Variants in CSE1L observed in about 807,000 individuals in gnomAD.
CSE1L encodes chromosome segregation 1 like.
Under a neutral mutation model 120.4 loss-of-function variants are expected in CSE1L, and 24 were observed. The observed-to-expected ratio is 0.20, with a 90% CI of 0.14 to 0.28. The LOEUF is 0.28. CSE1L is among the 10% of genes least tolerant of loss of function. CSE1L has a pLI of 1.00. For missense variants in CSE1L, 830 were observed against 1,145.2 expected (o/e 0.72, Z 3.97); for synonymous variants, 402 against 398.3 (o/e 1.01, Z -0.11).
chr20:49,065,444 T>C (rs1170847018), intron 3 of CSE1L, among the ~76,000 whole-genome samples: 3 of 149,072 alleles, frequency 2.0e-5, no homozygotes, highest in Admixed American at 6.8e-5. Flanking sequence ...TGCCTCAGCC[T>C]CCTGAGTAGT....
chr20:49,065,319 T>TTTTTTTTTTTTATTTTTA (rs2091883407), intron 3 of CSE1L, among the ~76,000 whole-genome samples: 1 of 109,648 alleles, frequency 9.1e-6, no homozygotes, highest in Non-Finnish European at 2.0e-5. Flanking sequence ...AAAAATTTTT[T>TTTTTTTTTTTTATTTTTA]TTTTTTTTTT....
intron 10 of CSE1L, among the ~76,000 whole-genome samples, chr20:49,073,133 TTC>T (rs2091944958): frequency 1.3e-5 from 2 of 152,082 alleles, no homozygotes; most frequent in Admixed American, 1.3e-4. Flanking sequence ...TACCTCAGTC[TTC>T]TGAGTAGCTG....
chr20:49,046,858 G>A (rs1471336308), intron 1 of CSE1L, among the ~76,000 whole-genome samples: 1 of 152,226 alleles, frequency 6.6e-6, no homozygotes, highest in Non-Finnish European at 1.5e-5. Context: ...GTGCGGCGGC[G>A]AGGCCTGCCC....
rs1260048377 is a variant in CSE1L, at chr20:49,053,392, C to CTT, written c.-11-5060_-11-5059dup. On this transcript the variant is annotated intron_variant, in intron 1 of 24. Transcript: ENST00000262982. ...TTTTTTTTTGAGACTGCGTTTCTCT[C>CTT]TTGTTGCCCAGGCTGGAGTGCAATG... Among the ~76,000 whole-genome samples, 3 of 87,562 alleles carry CTT rather than the reference C, an allele frequency of 3.4e-5. No homozygotes were observed. The East Asian group carries it at 1.2e-3, about 36-fold the overall frequency. 57.4% of individuals were successfully genotyped at this position (87,562 alleles called of 152,430 possible). A position where few individuals can be genotyped will look rare whatever the true frequency, so the allele number is the denominator to read the frequency against.
At chr20:49,047,282 A>G (rs2091721451) in intron 1 of CSE1L, among the ~76,000 whole-genome samples, 1 of 152,046 alleles carries the variant, frequency 6.6e-6, no homozygotes, top group African/African-American at 2.4e-5. Flanking sequence ...AGTGGCTTTG[A>G]GGATGCGCTG....
chr20:49,049,949 C>T (rs1023049949), intron 1 of CSE1L, among the ~76,000 whole-genome samples: 1 of 152,074 alleles, frequency 6.6e-6, no homozygotes, highest in African/African-American at 2.4e-5. Flanking sequence ...ATGGCTTGAG[C>T]CCAGGAGGCA....
chr20:49,089,516 C>G (rs1211716074), intron 18 of CSE1L, 22 bp from the exon 19 acceptor site: 1 of 1,612,712 alleles, frequency 6.2e-7, no homozygotes, highest in African/African-American at 1.3e-5. Context: ...GCTCACAGCT[C>G]TGTTTTTACT....
chr20:49,050,373 C>T (rs2091756788), intron 1 of CSE1L, among the ~76,000 whole-genome samples: 1 of 147,604 alleles, frequency 6.8e-6, no homozygotes, highest in Non-Finnish European at 1.5e-5. Flanking sequence ...AGGGTATCAC[C>T]AAGCCCAGCT....
intron 2 of CSE1L, 131 bp downstream of exon 2, chr20:49,058,679 T>C: frequency 6.5e-6 from 4 of 616,064 alleles, no homozygotes; most frequent in Non-Finnish European, 1.1e-5. Flanking sequence ...AGTTTATAAG[T>C]GTTACAGCTG....
chr20:49,068,906 GC>G, intron 7 of CSE1L, 84 bp downstream of exon 7: 2 of 960,714 alleles, frequency 2.1e-6, no homozygotes, highest in Non-Finnish European at 3.2e-6. Context: ...AGACTTCTTT[GC>G]CAGCATTGAT....
At chr20:49,065,312 A>G (rs866513382) in intron 3 of CSE1L, among the ~76,000 whole-genome samples, 1 of 79,398 alleles carries the variant, frequency 1.3e-5, no homozygotes, top group Non-Finnish European at 2.4e-5. Context: ...ATGAAAAAAA[A>G]ATTTTTTTTT....
chr20:49,084,197 G>A (rs760673437), intron 15 of CSE1L, 35 bp downstream of exon 15: 29 of 1,608,526 alleles, frequency 1.8e-5, no homozygotes, highest in Non-Finnish European at 2.3e-5. Context: ...TTAGCCTGGG[G>A]TAGGGGCTGT....
chr20:49,088,440 T>C (rs2092076492), intron 17 of CSE1L, among the ~76,000 whole-genome samples: 1 of 152,262 alleles, frequency 6.6e-6, no homozygotes. Context: ...AGAGGCTGTC[T>C]GGACTTCTAT....
chr20:49,075,526 T>C lies in CSE1L; in HGVS notation c.1335+6T>C, dbSNP rs1600613819. 6.8e-6 allele frequency: 11 copies of C among 1,612,264 alleles called. No homozygotes were observed. Among genetic ancestry groups the C allele is most frequent in the African/African-American group, 1.3e-5 (1 of 74,886 alleles). ...CAAAAGCCCAAACACAGAAGGTAAA[T>C]ATTTTTAATGTGGTTTTGTTTCTAA... On this transcript the variant is annotated splice_donor_region_variant and intron_variant, in intron 12 of 24. Coordinates refer to ENST00000262982, the MANE Select transcript of CSE1L (RefSeq NM_001316.4).
At chr20:49,088,652 A>C (rs2092078274) in intron 17 of CSE1L, among the ~76,000 whole-genome samples, 1 of 152,186 alleles carries the variant, frequency 6.6e-6, no homozygotes, top group Non-Finnish European at 1.5e-5. Flanking sequence ...ATCAATTCAT[A>C]GGAAGTGTTG....
chr20:49,094,074 C>T, intron 22 of CSE1L, 66 bp from the exon 23 acceptor site: 1 of 995,518 alleles, frequency 1.0e-6, no homozygotes, highest in Non-Finnish European at 1.5e-6. Context: ...TAACTAACAT[C>T]TAAGCATTTT....
chr20:49,078,620 C>A lies in CSE1L; in HGVS notation c.1480C>A (p.Gln494Lys). ...GIKYIMIFRN[Q>K]VPKEHLLVSI... Reference sequence around the variant, plus strand: ...CAAATATATTATGATTTTTAGAAATCAAGTAAGTAGCTTTTTATTTGTTAC... The same window carrying A: ...CAAATATATTATGATTTTTAGAAATAAAGTAAGTAGCTTTTTATTTGTTAC... Residue 494 changes from glutamine (Q) to lysine (K), a missense_variant and splice_region_variant, in exon 14 of 25, where the codon CAA (glutamine) becomes AAA (lysine). Transcript: ENST00000262982. 2 of 1,553,690 alleles carry A rather than the reference C, an allele frequency of 1.3e-6. No individual in the cohort carries two copies. The highest frequency in any genetic ancestry group is 2.4e-5 in the South Asian group (2 of 83,470).
intron 1 of CSE1L, among the ~76,000 whole-genome samples, chr20:49,048,220 A>G (rs2091737395): frequency 7.3e-6 from 1 of 136,518 alleles, no homozygotes; most frequent in African/African-American, 2.8e-5. Context: ...ACAACCCTTT[A>G]TCTTTCACTT....
chr20:49,092,722 C>T (rs1373844628), intron 22 of CSE1L, among the ~76,000 whole-genome samples: 2 of 151,682 alleles, frequency 1.3e-5, no homozygotes, highest in African/African-American at 4.8e-5. Context: ...ATGTAAATGA[C>T]GAGTTAATGG....
Sources: gnomAD v4.1 joint callset for allele counts (sites outside exome capture counted in the v4.1 genomes callset) on GRCh38, gnomAD v4.1.1 for gene constraint, MANE v1.5 for transcripts, NCBI Gene and HGNC (gene_info 2026-07-23, HGNC 2026-07-21) for gene names.